NBAS: variants seen among roughly 807,000 people sequenced by gnomAD.
NBAS encodes NBAS subunit of NRZ tethering complex, also known as NAG/BC035112 fusion.
NBAS carries 219 observed loss-of-function variants against 302.5 expected under a neutral mutation model. That is an observed-to-expected ratio of 0.72 (90% CI 0.65 to 0.81). NBAS has a LOEUF of 0.81. Among genes scored for constraint, NBAS ranks in the 30% least tolerant of loss-of-function variants. The pLI is 0.00. For synonymous variants in NBAS, 1,118 were observed against 1,021.6 expected, an observed-to-expected ratio of 1.09 and a Z score of -1.80; for missense variants, 2,932 against 2,841.6, an observed-to-expected ratio of 1.03 and a Z score of -0.72.
At chr2:15,214,807 G>T (rs1277748594) in intron 48 of NBAS, among the ~76,000 whole-genome samples, 1 of 152,160 alleles carries the variant, frequency 6.6e-6, no homozygotes, top group Non-Finnish European at 1.5e-5. Context: ...TTTCTGAAAA[G>T]AAGGGTTAAT....
the NBAS span, among the ~76,000 whole-genome samples, chr2:15,094,818 C>A: frequency 6.6e-6 from 1 of 152,166 alleles, no homozygotes; most frequent in East Asian, 1.9e-4. Flanking sequence ...AGGAAGCCGA[C>A]GGGGTCTCAG....
chr2:14,901,794 G>C, the NBAS span, among the ~76,000 whole-genome samples: 1 of 152,200 alleles, frequency 6.6e-6, no homozygotes, highest in African/African-American at 2.4e-5. Context: ...ACTAGAGTTA[G>C]CTCTCTCCTT....
chr2:15,180,879 G>C (rs192869772), intron 50 of NBAS, among the ~76,000 whole-genome samples: 1 of 152,286 alleles, frequency 6.6e-6, no homozygotes, highest in Admixed American at 6.5e-5. Flanking sequence ...CTCTTTCTCT[G>C]TCTGATTAAC....
intron 12 of NBAS, among the ~76,000 whole-genome samples, chr2:15,488,207 T>C (rs1027241547): frequency 1.1e-4 from 17 of 152,184 alleles, no homozygotes; most frequent in African/African-American, 3.9e-4. Context: ...AATGGTAAAA[T>C]GTAAGTGAAT....
chr2:14,964,484 G>A, the NBAS span, among the ~76,000 whole-genome samples: 1 of 152,070 alleles, frequency 6.6e-6, no homozygotes, highest in African/African-American at 2.4e-5. Context: ...AATTCATGAA[G>A]AGGACATAAC....
chr2:14,842,105 T>C, the NBAS span, among the ~76,000 whole-genome samples: 1 of 151,784 alleles, frequency 6.6e-6, no homozygotes, highest in Non-Finnish European at 1.5e-5. Context: ...ATGAATAAAT[T>C]AAGAGGGAAA....
chr2:14,781,123 C>G, the NBAS span, among the ~76,000 whole-genome samples: 1 of 152,162 alleles, frequency 6.6e-6, no homozygotes, highest in Non-Finnish European at 1.5e-5. Context: ...TGCCATCTCC[C>G]TCTTTACTGG....
intron 11 of NBAS, among the ~76,000 whole-genome samples, chr2:15,499,157 G>T (rs549445489): frequency 6.6e-6 from 1 of 152,258 alleles, no homozygotes; most frequent in Non-Finnish European, 1.5e-5. Flanking sequence ...TCAAACTCCT[G>T]ACCTCAAGTG....
chr2:15,223,210 CACTCTT>C (rs2147899570), intron 47 of NBAS, among the ~76,000 whole-genome samples: 1 of 152,168 alleles, frequency 6.6e-6, no homozygotes, highest in East Asian at 1.9e-4. Context: ...AATTCACAGT[CACTCTT>C]ACGGTTCAGC....
chr2:14,800,488 G>A, the NBAS span, among the ~76,000 whole-genome samples: 2 of 152,180 alleles, frequency 1.3e-5, no homozygotes, highest in Non-Finnish European at 2.9e-5. Context: ...TCTCAGGTAT[G>A]TCTTTATCAG....
At chr2:15,528,712 C>G (rs914859430) in intron 9 of NBAS, among the ~76,000 whole-genome samples, 1 of 149,178 alleles carries the variant, frequency 6.7e-6, no homozygotes, top group African/African-American at 2.4e-5. Flanking sequence ...TACAAAAATA[C>G]AAAAATTAGC....
the NBAS span, among the ~76,000 whole-genome samples, chr2:14,780,855 C>A: frequency 1.7e-3 from 260 of 152,230 alleles, 2 homozygotes; most frequent in African/African-American, 6.0e-3. Context: ...ATAAAACTTG[C>A]ATTTTCTTTC....
rs187290025 is a variant in NBAS, at chr2:15,253,560, A to G, written c.5725-14874T>C. On this transcript the variant is annotated intron_variant, in intron 44 of 51. Coordinates refer to ENST00000281513, the MANE Select transcript of NBAS (RefSeq NM_015909.4). ...AGCCTTCCAACAGGGACGCAGGCAC[A>G]GGCAGTTTAAAGGGAATCTGTTTCT... is the stretch of plus-strand genomic sequence containing the variant. Among the ~76,000 whole-genome samples, 820 of 152,344 alleles carry G rather than the reference A, an allele frequency of 5.4e-3. 4 individuals carry two copies. Among genetic ancestry groups the G allele is most frequent in the African/African-American group, 0.017 (705 of 41,590 alleles).
At chr2:14,940,540 C>G in the NBAS span, among the ~76,000 whole-genome samples, 8 of 152,156 alleles carry the variant, frequency 5.3e-5, no homozygotes, top group Admixed American at 5.2e-4. Context: ...CAGCAATTGT[C>G]CCTGGTTCTG....
chr2:15,288,123 A>G (rs1440599810), intron 41 of NBAS, among the ~76,000 whole-genome samples: 1 of 152,254 alleles, frequency 6.6e-6, no homozygotes, highest in African/African-American at 2.4e-5. Flanking sequence ...TACAATCAAA[A>G]GATAGTGCAT....
chr2:14,859,330 AC>A, the NBAS span, among the ~76,000 whole-genome samples: 8 of 152,152 alleles, frequency 5.3e-5, no homozygotes, highest in Non-Finnish European at 5.9e-5. Flanking sequence ...AATAGAAAAA[AC>A]AACCTCAAAA....
At chr2:15,025,227 T>C in the NBAS span, among the ~76,000 whole-genome samples, 1 of 152,200 alleles carries the variant, frequency 6.6e-6, no homozygotes, top group Non-Finnish European at 1.5e-5. Context: ...AAGGAATCCT[T>C]TCCCCATTGC....
At chr2:14,968,003 C>T in the NBAS span, among the ~76,000 whole-genome samples, 8 of 152,148 alleles carry the variant, frequency 5.3e-5, no homozygotes, top group Admixed American at 3.9e-4. Flanking sequence ...CTCCCCCTAG[C>T]TCCACCCCCT....
intron 48 of NBAS, among the ~76,000 whole-genome samples, chr2:15,211,416 T>A (rs750987855): frequency 2.6e-5 from 4 of 152,238 alleles, no homozygotes; most frequent in Admixed American, 1.3e-4. Flanking sequence ...ATCTTAGATG[T>A]TAATATTTAA....
Sources: gnomAD v4.1 joint callset for allele counts (sites outside exome capture counted in the v4.1 genomes callset) on GRCh38, gnomAD v4.1.1 for gene constraint, MANE v1.5 for transcripts, NCBI Gene and HGNC (gene_info 2026-07-23, HGNC 2026-07-21) for gene names.